Variants in CACNB2 observed in about 807,000 individuals in gnomAD.
CACNB2 encodes the protein calcium voltage-gated channel auxiliary subunit beta 2, also known as voltage-dependent L-type calcium channel subunit beta-2.
CACNB2 carries 42 observed loss-of-function variants against 73.3 expected under a neutral mutation model. The observed-to-expected ratio is 0.57, with a 90% CI of 0.45 to 0.74. The LOEUF (loss-of-function observed/expected upper bound fraction) is 0.74. CACNB2 is among the 30% of genes least tolerant of loss of function. The pLI is 0.00. For missense variants in CACNB2, 940 were observed against 853.0 expected, an observed-to-expected ratio of 1.10 and a Z score of -1.27; for synonymous variants, 348 against 310.3, an observed-to-expected ratio of 1.12 and a Z score of -1.28.
chr10:18,388,444 A>T (rs1219471252), intron 2 of CACNB2, among the ~76,000 whole-genome samples: 1 of 152,110 alleles, frequency 6.6e-6, no homozygotes, highest in Non-Finnish European at 1.5e-5. Flanking sequence ...TGCTTAAGGG[A>T]TACATTAACT....
intron 2 of CACNB2, among the ~76,000 whole-genome samples, chr10:18,301,430 C>CAA (rs5783592): frequency 1.3e-5 from 2 of 151,442 alleles, no homozygotes; most frequent in African/African-American, 2.4e-5. Context: ...CCCCGCTCTA[C>CAA]AAAAAAACAC....
At chr10:18,235,676 G>A (rs1225557792) in intron 2 of CACNB2, among the ~76,000 whole-genome samples, 2 of 152,198 alleles carry the variant, frequency 1.3e-5, no homozygotes, top group East Asian at 1.9e-4. Flanking sequence ...AGGCAAGTCG[G>A]TTGGAGCAAA....
chr10:18,321,528 A>C (rs1421293898), intron 2 of CACNB2, among the ~76,000 whole-genome samples: 1 of 152,206 alleles, frequency 6.6e-6, no homozygotes, highest in Admixed American at 6.5e-5. Context: ...AAATCACTTG[A>C]AGAGTATAAA....
At chr10:18,169,403 A>G (rs2033083215) in intron 2 of CACNB2, among the ~76,000 whole-genome samples, 1 of 152,168 alleles carries the variant, frequency 6.6e-6, no homozygotes, top group Non-Finnish European at 1.5e-5. Context: ...TACAAAAGGC[A>G]TATAATACTC....
In CACNB2 at chr10:18,212,547, A is replaced by G. The variant is rs150340360; in HGVS notation, c.213+61572A>G. 3.6e-3 allele frequency among the ~76,000 whole-genome samples: 544 copies of G among 151,952 alleles called. 10 individuals are homozygous for G. In the East Asian group the frequency reaches 0.066, roughly 18 times the overall value. ...TGAACCATTTTTTCCTTTGTTTTCC[A>G]TTTCTCATCTTGTAAGAAATATTCT... On this transcript the variant is annotated intron_variant, in intron 2 of 13. Transcript: ENST00000324631.
chr10:18,263,456 A>G (rs2037649405), intron 2 of CACNB2, among the ~76,000 whole-genome samples: 1 of 152,220 alleles, frequency 6.6e-6, no homozygotes, highest in Admixed American at 6.5e-5. Context: ...AAATGTCAAT[A>G]TTTATATACA....
chr10:18,402,391 G>GGAA (rs368164777), intron 3 of CACNB2, among the ~76,000 whole-genome samples: 1 of 143,822 alleles, frequency 7.0e-6, no homozygotes, highest in Non-Finnish European at 1.5e-5. Flanking sequence ...TCTCTGTTAA[G>GGAA]AAAAAAAAAA....
At chr10:18,319,861 A>T (rs2040333132) in intron 2 of CACNB2, among the ~76,000 whole-genome samples, 1 of 152,144 alleles carries the variant, frequency 6.6e-6, no homozygotes, top group Non-Finnish European at 1.5e-5. Flanking sequence ...TTCTGGACAG[A>T]GGCAAGTGCA....
chr10:18,234,037 A>G (rs1564364783), intron 2 of CACNB2: 1 of 152,194 alleles, frequency 6.6e-6, no homozygotes. Flanking sequence ...ACTTAGACAT[A>G]CCAGATACTG....
chr10:18,264,805 G>T (rs1327056997), intron 2 of CACNB2, among the ~76,000 whole-genome samples: 15 of 152,144 alleles, frequency 9.9e-5, no homozygotes, highest in Admixed American at 8.5e-4. Context: ...CCAGTTTGGG[G>T]CTATCATAAA....
chr10:18,293,550 G>T (rs1387296096), intron 2 of CACNB2, among the ~76,000 whole-genome samples: 1 of 152,202 alleles, frequency 6.6e-6, no homozygotes, highest in Non-Finnish European at 1.5e-5. Flanking sequence ...ATTAAGCTCA[G>T]ACTCTACCCT....
At chr10:18,434,083 T>C (rs955850568) in intron 3 of CACNB2, among the ~76,000 whole-genome samples, 1 of 152,206 alleles carries the variant, frequency 6.6e-6, no homozygotes, top group African/African-American at 2.4e-5. Context: ...AAAACCATTT[T>C]AAAACATAGA....
At chr10:18,489,876 T>C (rs1286271649) in intron 3 of CACNB2, among the ~76,000 whole-genome samples, 1 of 151,980 alleles carries the variant, frequency 6.6e-6, no homozygotes, top group African/African-American at 2.4e-5. Flanking sequence ...ATGGCCTTGG[T>C]GTTTTAGTTT....
chr10:18,332,713 C>G (rs1396256658), intron 2 of CACNB2, among the ~76,000 whole-genome samples: 1 of 152,090 alleles, frequency 6.6e-6, no homozygotes, highest in East Asian at 1.9e-4. Flanking sequence ...TGTAACCTCC[C>G]TAGTCCCTAG....
intron 2 of CACNB2, among the ~76,000 whole-genome samples, chr10:18,165,123 G>A (rs949476462): frequency 1.3e-5 from 2 of 152,120 alleles, no homozygotes; most frequent in South Asian, 4.1e-4. Context: ...ACGGGGAGGC[G>A]ACTGATTAAT....
At chr10:18,424,249 G>C (rs2045477844) in intron 3 of CACNB2, among the ~76,000 whole-genome samples, 1 of 152,166 alleles carries the variant, frequency 6.6e-6, no homozygotes, top group Non-Finnish European at 1.5e-5. Context: ...TACTGAAGAA[G>C]TGTTACAGCT....
chr10:18,352,439 A>G (rs1672319891), intron 2 of CACNB2, among the ~76,000 whole-genome samples: 1 of 152,216 alleles, frequency 6.6e-6, no homozygotes, highest in South Asian at 2.1e-4. Context: ...AGAGTACTGA[A>G]ATAGGGAACA....
Position 18,515,158 on chromosome 10 carries a change from T to C in CACNB2, c.804+789T>C, listed in dbSNP as rs1014905885. 6.1e-6 allele frequency: 5 copies of C among 826,040 alleles called. No individual in the cohort carries two copies. In the African/African-American group the frequency reaches 8.4e-5, roughly 14 times the overall value. The allele number at this position is 826,040 out of a possible 1,614,324, so 51.2% of individuals were successfully genotyped here. A position where few individuals can be genotyped will look rare whatever the true frequency, so the allele number is the denominator to read the frequency against. ...GCAGCCAGTGGTCATGCGTAGAGCC[T>C]TTGCCATTGGCCATCCAAGATGCTA... is the stretch of plus-strand genomic sequence containing the variant. On this transcript the variant is annotated intron_variant, in intron 7 of 13. Transcript: ENST00000324631.
intron 2 of CACNB2, among the ~76,000 whole-genome samples, chr10:18,386,399 ATTTTTT>A (rs10637329): frequency 9.4e-6 from 1 of 106,526 alleles, no homozygotes; most frequent in African/African-American, 3.6e-5. Context: ...TTTATTTATG[ATTTTTT>A]TTTTTTTTTT....
Sources: gnomAD v4.1 joint callset for allele counts (sites outside exome capture counted in the v4.1 genomes callset) on GRCh38, gnomAD v4.1.1 for gene constraint, MANE v1.5 for transcripts, NCBI Gene and HGNC (gene_info 2026-07-23, HGNC 2026-07-21) for gene names.